CDK14: variants seen among roughly 807,000 people sequenced by gnomAD.
The protein encoded by CDK14 is cyclin-dependent kinase 14.
A neutral mutation model predicts 60.7 loss-of-function variants in CDK14; 34 were observed. The ratio of observed to expected loss-of-function variants is 0.56; its 90% CI spans 0.43 to 0.75. The LOEUF (loss-of-function observed/expected upper bound fraction) is 0.75, where lower values mean the gene tolerates loss of function less well. CDK14 is among the 30% of genes least tolerant of loss of function. The pLI, the probability that CDK14 is intolerant of heterozygous loss-of-function variation, is 0.00. For synonymous variants in CDK14, 197 were observed against 203.7 expected (o/e 0.97, Z 0.28); for missense variants, 482 against 564.1 (o/e 0.85, Z 1.47).
intron 6 of CDK14, among the ~76,000 whole-genome samples, chr7:90,879,479 T>C (rs1791668839): frequency 6.6e-6 from 1 of 152,096 alleles, no homozygotes. Context: ...GAAGCAGCGG[T>C]GATTGGAGGC....
intron 3 of CDK14, among the ~76,000 whole-genome samples, chr7:90,736,350 GTTTTT>G (rs869290471): frequency 4.0e-5 from 2 of 50,280 alleles, no homozygotes; most frequent in East Asian, 5.4e-4. Flanking sequence ...TTATGTTTTT[GTTTTT>G]TTTTTTTTTT....
At chr7:91,017,906 C>T (rs1452029902) in intron 10 of CDK14, among the ~76,000 whole-genome samples, 1 of 152,202 alleles carries the variant, frequency 6.6e-6, no homozygotes, top group Non-Finnish European at 1.5e-5. Flanking sequence ...AAACCAGCTT[C>T]ATCCAATTTC....
chr7:90,969,973 T>C (rs913041135), intron 9 of CDK14, among the ~76,000 whole-genome samples: 3 of 151,252 alleles, frequency 2.0e-5, no homozygotes, highest in Non-Finnish European at 4.4e-5. Context: ...TTAAGCTTTT[T>C]TTTTTTTTTT....
intron 5 of CDK14, among the ~76,000 whole-genome samples, chr7:90,806,861 C>T (rs1199361510): frequency 1.3e-5 from 2 of 152,174 alleles, no homozygotes; most frequent in African/African-American, 2.4e-5. Flanking sequence ...CGCGGAGCCT[C>T]ACTCATTGCT....
chr7:91,171,653 T>C (rs1801522242), intron 14 of CDK14, among the ~76,000 whole-genome samples: 1 of 152,160 alleles, frequency 6.6e-6, no homozygotes, highest in African/African-American at 2.4e-5. Context: ...GTCTTTTGTT[T>C]TTTGTTTTTT....
At chr7:90,770,547 G>T (rs7781034) in intron 4 of CDK14, among the ~76,000 whole-genome samples, 139,089 of 152,314 alleles carry the variant, frequency 0.91, 63,633 homozygotes, top group East Asian at 1. Context: ...ATACAAACGT[G>T]GATTGATGTC....
At chr7:91,169,832 T>C (rs1326182966) in intron 14 of CDK14, among the ~76,000 whole-genome samples, 1 of 152,238 alleles carries the variant, frequency 6.6e-6, no homozygotes, top group African/African-American at 2.4e-5. Flanking sequence ...TAGGCATGAC[T>C]ACCGTCCTAA....
At chr7:91,032,237 T>C (rs973996740) in intron 10 of CDK14, among the ~76,000 whole-genome samples, 5 of 152,220 alleles carry the variant, frequency 3.3e-5, no homozygotes, top group African/African-American at 1.2e-4. Flanking sequence ...GAAGTTGTTA[T>C]TCCTGTAACT....
intron 12 of CDK14, among the ~76,000 whole-genome samples, chr7:91,109,787 G>C (rs1348619714): frequency 1.3e-5 from 2 of 151,974 alleles, no homozygotes; most frequent in Non-Finnish European, 2.9e-5. Flanking sequence ...CTAAACAAAA[G>C]AAGCTGAGGT....
At chr7:90,790,180 A>G (rs1805771725) in intron 4 of CDK14, among the ~76,000 whole-genome samples, 1 of 151,976 alleles carries the variant, frequency 6.6e-6, no homozygotes, top group Non-Finnish European at 1.5e-5. Flanking sequence ...AAGACTGAAA[A>G]TGAAGACATT....
intron 10 of CDK14, among the ~76,000 whole-genome samples, chr7:91,013,658 T>G (rs867323352): frequency 0.16 from 20,021 of 124,562 alleles, 938 homozygotes; most frequent in Middle Eastern, 0.28. Context: ...TTGCCTCTGT[T>G]TTTTTTTTTT....
Position 90,805,899 on chromosome 7 carries a change from A to G in CDK14, c.544+15247A>G, listed in dbSNP as rs1396017448. The stretch of plus-strand genomic sequence containing the variant: ...CACTACTTAATTTCAGAAACTTTGT[A>G]AAAAGCTACAGGGATCAAGACAGTA... On this transcript the variant is annotated intron_variant, in intron 5 of 14. Coordinates refer to ENST00000380050, the MANE Select transcript of CDK14 (RefSeq NM_001287135.2). Among the ~76,000 whole-genome samples, 8 of 152,196 alleles carry G rather than the reference A, an allele frequency of 5.3e-5. No homozygotes were observed. In the East Asian group the frequency reaches 7.7e-4, roughly 15 times the overall value.
At chr7:90,915,414 G>A (rs1037191861) in intron 7 of CDK14, among the ~76,000 whole-genome samples, 1 of 152,154 alleles carries the variant, frequency 6.6e-6, no homozygotes, top group East Asian at 1.9e-4. Flanking sequence ...GCTCCAAAAA[G>A]TACAGGGTTG....
intron 4 of CDK14, among the ~76,000 whole-genome samples, chr7:90,765,580 A>G (rs1488159565): frequency 1.3e-5 from 2 of 148,720 alleles, no homozygotes; most frequent in African/African-American, 5.0e-5. Flanking sequence ...AAAGTAATTT[A>G]TTACATTTTA....
At chr7:90,640,659 T>C (rs1045915982) in intron 2 of CDK14, among the ~76,000 whole-genome samples, 6 of 152,080 alleles carry the variant, frequency 3.9e-5, no homozygotes, top group Admixed American at 2.0e-4. Flanking sequence ...AAGAATAATA[T>C]TAAGAAAGTG....
chr7:91,110,946 G>T (rs1799452228), intron 12 of CDK14, among the ~76,000 whole-genome samples: 2 of 152,146 alleles, frequency 1.3e-5, no homozygotes, highest in Non-Finnish European at 2.9e-5. Flanking sequence ...TTGGGAAGAG[G>T]AAGGAATAAT....
intron 11 of CDK14, among the ~76,000 whole-genome samples, chr7:91,055,560 G>A (rs1021456090): frequency 3.9e-5 from 6 of 152,098 alleles, no homozygotes; most frequent in African/African-American, 1.4e-4. Flanking sequence ...AAATAAACTG[G>A]TTTTATTAGT....
At chr7:91,193,364 C>G (rs1223018023) in intron 14 of CDK14, among the ~76,000 whole-genome samples, 2 of 152,102 alleles carry the variant, frequency 1.3e-5, no homozygotes, top group African/African-American at 4.8e-5. Context: ...TCATCTGGTT[C>G]TTAAGTTTGG....
intron 2 of CDK14, among the ~76,000 whole-genome samples, chr7:90,622,190 A>G (rs1399390316): frequency 6.6e-6 from 1 of 152,210 alleles, no homozygotes; most frequent in Non-Finnish European, 1.5e-5. Context: ...ATTTGCCTTA[A>G]GGAGTTGGAG....
Sources: allele counts gnomAD v4.1 joint callset (sites outside exome capture counted in the v4.1 genomes callset), GRCh38; gene constraint gnomAD v4.1.1; transcripts MANE v1.5; gene names NCBI Gene and HGNC (gene_info 2026-07-23, HGNC 2026-07-21).